The following PRKACB variants were observed in gnomAD, a reference collection of about 807,000 sequenced individuals.
The protein encoded by PRKACB is protein kinase cAMP-activated catalytic subunit beta.
A neutral mutation model predicts 51.4 loss-of-function variants in PRKACB; 16 were observed. The ratio of observed to expected loss-of-function variants is 0.31; its 90% CI spans 0.21 to 0.47. The LOEUF is 0.47. Among genes scored for constraint, PRKACB ranks in the 20% least tolerant of loss-of-function variants. PRKACB has a pLI of 1.00. For synonymous variants in PRKACB, 147 were observed against 154.4 expected, an observed-to-expected ratio of 0.95 and a Z score of 0.35; for missense variants, 309 against 464.5, an observed-to-expected ratio of 0.67 and a Z score of 3.08.
chr1:84,229,767 T>C (rs1200032064), intron 9 of PRKACB, among the ~76,000 whole-genome samples: 1 of 151,548 alleles, frequency 6.6e-6, no homozygotes, highest in Non-Finnish European at 1.5e-5. Context: ...TTGCCCACTT[T>C]TTGATGGGGT....
chr1:84,198,486 A>C (rs561075208), intron 7 of PRKACB, among the ~76,000 whole-genome samples: 13 of 152,234 alleles, frequency 8.5e-5, no homozygotes, highest in Non-Finnish European at 1.2e-4. Context: ...CTGGTTCCCA[A>C]ATGGAATCAT....
chr1:84,211,041 T>G (rs1319200856), intron 8 of PRKACB, among the ~76,000 whole-genome samples: 1 of 151,980 alleles, frequency 6.6e-6, no homozygotes. Context: ...GGGTGTGATA[T>G]GGAGGTGAGG....
chr1:84,088,249 CTTCTA>C (rs984386841), intron 1 of PRKACB, among the ~76,000 whole-genome samples: 45 of 152,196 alleles, frequency 3.0e-4, no homozygotes, highest in African/African-American at 1.0e-3. Context: ...TCACTGTTGT[CTTCTA>C]TTCATATGTT....
chr1:84,131,042 A>G (rs1466735085), intron 1 of PRKACB, among the ~76,000 whole-genome samples: 1 of 152,190 alleles, frequency 6.6e-6, no homozygotes, highest in East Asian at 1.9e-4. Flanking sequence ...TAAGGTTTAT[A>G]AGTTACCCAT....
In PRKACB at chr1:84,150,450, A is replaced by G. The variant is rs115483342; in HGVS notation, c.187+5902A>G. On this transcript the variant is annotated intron_variant, in intron 1 of 9. Coordinates refer to ENST00000370685, the MANE Select transcript of PRKACB (RefSeq NM_182948.4). ...AACATTATATGTTTGTCCCCTCCAAATCTCATGTTGGAATGTGATCCCCAG... is the reference window on the plus strand; with the variant it reads ...AACATTATATGTTTGTCCCCTCCAAGTCTCATGTTGGAATGTGATCCCCAG... Among the ~76,000 whole-genome samples, 565 of 152,176 alleles carry G rather than the reference A, an allele frequency of 3.7e-3. 3 individuals carry two copies. Among genetic ancestry groups the G allele is most frequent in the African/African-American group, 0.012 (508 of 41,518 alleles).
At chr1:84,114,160 A>T (rs1041958690) in intron 1 of PRKACB, among the ~76,000 whole-genome samples, 1 of 152,198 alleles carries the variant, frequency 6.6e-6, no homozygotes, top group Non-Finnish European at 1.5e-5. Flanking sequence ...CATGATGTCC[A>T]TTATTGAATT....
upstream of PRKACB, among the ~76,000 whole-genome samples, chr1:84,143,744 A>G (rs1217163394): frequency 6.6e-6 from 1 of 152,180 alleles, no homozygotes; most frequent in African/African-American, 2.4e-5. Context: ...TCCTGTATGT[A>G]TTAGGCCTAA....
intron 1 of PRKACB, among the ~76,000 whole-genome samples, chr1:84,150,855 A>C (rs1189056918): frequency 6.6e-6 from 1 of 152,170 alleles, no homozygotes; most frequent in African/African-American, 2.4e-5. Flanking sequence ...AAAAATCTGA[A>C]TGTGAAAAAT....
chr1:84,143,158 T>A (rs1014526575), upstream of PRKACB, among the ~76,000 whole-genome samples: 4 of 152,152 alleles, frequency 2.6e-5, no homozygotes, highest in Non-Finnish European at 4.4e-5. Flanking sequence ...TCAAAAGAGA[T>A]GTTTTGGCCA....
At chr1:84,214,528 TGTAG>T in intron 9 of PRKACB, among the ~76,000 whole-genome samples, 1 of 148,956 alleles carries the variant, frequency 6.7e-6, no homozygotes, top group South Asian at 2.1e-4. Context: ...AGTCTCACTC[TGTAG>T]TCCACGCTGG....
At chr1:84,171,818 G>T (rs543789522) in intron 1 of PRKACB, among the ~76,000 whole-genome samples, 4 of 151,490 alleles carry the variant, frequency 2.6e-5, no homozygotes, top group African/African-American at 7.2e-5. Flanking sequence ...ACAGAATCTG[G>T]CAAGATTGCC....
In PRKACB at chr1:84,086,354, G is replaced by A. The variant is rs935583418; in HGVS notation, c.46+7983G>A. On this transcript the variant is annotated intron_variant, in intron 1 of 8. Transcript: ENST00000370688. ...AGGCTCCAGCCATGAGTGCTTCTGA[G>A]CTGGCGGACTGCCCAGGGGCCATCA... is the stretch of plus-strand genomic sequence containing the variant. The A allele has an allele frequency of 7.6e-6, 5 of 654,108 alleles. No homozygotes were observed. The African/African-American group carries it at 9.0e-5, about 12-fold the overall frequency. 40.5% of individuals were successfully genotyped at this position (654,108 alleles called of 1,614,324 possible).
At chr1:84,217,742 A>G (rs1572505411) in intron 9 of PRKACB, among the ~76,000 whole-genome samples, 1 of 152,154 alleles carries the variant, frequency 6.6e-6, no homozygotes, top group Non-Finnish European at 1.5e-5. Context: ...GCAGTGAGCC[A>G]TGATCATGCC....
At chr1:84,208,505 G>A (rs1026582025) in intron 8 of PRKACB, among the ~76,000 whole-genome samples, 2 of 152,176 alleles carry the variant, frequency 1.3e-5, no homozygotes, top group African/African-American at 2.4e-5. Flanking sequence ...AGATGAAAGT[G>A]TTTATTCTAT....
chr1:84,153,668 T>C (rs906749138), intron 1 of PRKACB, among the ~76,000 whole-genome samples: 6 of 152,186 alleles, frequency 3.9e-5, no homozygotes, highest in Non-Finnish European at 8.8e-5. Context: ...ATGCAATATT[T>C]GTGTTTCTGT....
intron 1 of PRKACB, among the ~76,000 whole-genome samples, chr1:84,100,201 T>C (rs575296282): frequency 1.1e-4 from 16 of 152,256 alleles, no homozygotes; most frequent in African/African-American, 3.9e-4. Flanking sequence ...CAAACACTTA[T>C]AAAACTGTCA....
chr1:84,081,029 A>G (rs1430837915), intron 1 of PRKACB, among the ~76,000 whole-genome samples: 1 of 152,228 alleles, frequency 6.6e-6, no homozygotes, highest in Admixed American at 6.5e-5. Context: ...TACAAGTGCT[A>G]ACATTATGGA....
intron 5 of PRKACB, among the ~76,000 whole-genome samples, chr1:84,185,684 A>T (rs1308398145): frequency 6.6e-6 from 1 of 152,006 alleles, no homozygotes; most frequent in Non-Finnish European, 1.5e-5. Context: ...ATTTAACGGG[A>T]GTTTGTACCT....
intron 1 of PRKACB, among the ~76,000 whole-genome samples, chr1:84,131,342 C>G (rs1233085075): frequency 4.3e-5 from 1 of 23,512 alleles, no homozygotes; most frequent in Non-Finnish European, 1.0e-4. Context: ...AAAACTCCAT[C>G]TCAAAAAAAA....
Sources: gnomAD v4.1 joint callset for allele counts (sites outside exome capture counted in the v4.1 genomes callset) on GRCh38, gnomAD v4.1.1 for gene constraint, MANE v1.5 for transcripts, NCBI Gene and HGNC (gene_info 2026-07-23, HGNC 2026-07-21) for gene names.